Variants in PCDH11X observed in about 807,000 individuals in gnomAD.
PCDH11X encodes protocadherin 11 X-linked.
PCDH11X carries 18 observed loss-of-function variants against 53.3 expected under a neutral mutation model. The ratio of observed to expected loss-of-function variants is 0.34; its 90% confidence interval spans 0.23 to 0.50. The LOEUF is 0.50. Among genes scored for constraint, PCDH11X ranks in the 20% least tolerant of loss-of-function variants. The probability of loss-of-function intolerance (pLI) is 0.98; values close to 1 mark genes in which losing one functional copy is unlikely to be tolerated. For missense variants in PCDH11X, 570 were observed against 1,032.4 expected, an observed-to-expected ratio of 0.55 and a Z score of 6.14; for synonymous variants, 279 against 393.3, an observed-to-expected ratio of 0.71 and a Z score of 3.44.
intron 10 of PCDH11X, among the ~76,000 whole-genome samples, chrX:92,503,618 C>T (rs1603350189): frequency 9.7e-6 from 1 of 102,973 alleles, no homozygotes; most frequent in Non-Finnish European, 2.0e-5. Flanking sequence ...AGCAAACTAA[C>T]GCAGGAGTAG....
At chrX:92,111,628 G>C (rs1448291138) in intron 6 of PCDH11X, among the ~76,000 whole-genome samples, 2 of 111,018 alleles carry the variant, frequency 1.8e-5, no homozygotes, top group Non-Finnish European at 3.8e-5. Context: ...AGAAGATATA[G>C]TCCAATGTCA....
At chrX:92,500,480 C>G (rs1293905829) in intron 10 of PCDH11X, among the ~76,000 whole-genome samples, 1 of 110,388 alleles carries the variant, frequency 9.1e-6, no homozygotes, top group Non-Finnish European at 1.9e-5. Flanking sequence ...AAAGGAAATC[C>G]TGTAAGTGTG....
chrX:91,892,637 G>A (rs1427466600), intron 6 of PCDH11X, among the ~76,000 whole-genome samples: 1 of 109,587 alleles, frequency 9.1e-6, no homozygotes, highest in African/African-American at 3.3e-5. Flanking sequence ...CCGCTGCAAG[G>A]ACAAAAACAA....
rs574780453 is a variant in PCDH11X at position 91,853,375 on chromosome X, T to G, written c.540+17331T>G. On this transcript the variant is annotated intron_variant, in intron 5 of 10. Coordinates refer to ENST00000682573, the MANE Select transcript of PCDH11X (RefSeq NM_032968.5). ...TAATGAACCCACTTCATAAATAGAA[T>G]ATTTATGTTAATCAAATATGAATGT... Among the ~76,000 whole-genome samples the G allele has an allele frequency of 1.1e-3, 125 of 109,230 alleles. 3 individuals are homozygous for G. The South Asian group carries it at 0.049, about 43-fold the overall frequency. 94.9% of individuals were successfully genotyped at this position (109,230 alleles called of 115,157 possible). A position where few individuals can be genotyped will look rare whatever the true frequency, so the allele number is the denominator to read the frequency against.
chrX:92,258,526 C>T (rs779106561), intron 7 of PCDH11X, among the ~76,000 whole-genome samples: 1 of 109,997 alleles, frequency 9.1e-6, no homozygotes, highest in East Asian at 2.9e-4. Context: ...CGCCACCATG[C>T]CCAGAGAATG....
At chrX:92,491,522 C>CAG (rs1171920376) in intron 10 of PCDH11X, among the ~76,000 whole-genome samples, 1 of 110,626 alleles carries the variant, frequency 9.0e-6, no homozygotes, top group African/African-American at 3.3e-5. Flanking sequence ...AAGATCACTA[C>CAG]AGTCAGACAA....
At chrX:92,465,594 T>C (rs1190196918) in intron 9 of PCDH11X, among the ~76,000 whole-genome samples, 1 of 111,995 alleles carries the variant, frequency 8.9e-6, no homozygotes, top group Non-Finnish European at 1.9e-5. Flanking sequence ...TATTGACCTA[T>C]AAGCTCTTCA....
At chrX:92,489,565 C>T (rs1332613133) in intron 10 of PCDH11X, among the ~76,000 whole-genome samples, 1 of 109,180 alleles carries the variant, frequency 9.2e-6, no homozygotes, top group East Asian at 2.9e-4. Flanking sequence ...TGTATCCCGA[C>T]TCCTGCTTTT....
At chrX:92,483,637 G>A (rs1313733057) in intron 10 of PCDH11X, among the ~76,000 whole-genome samples, 1 of 86,350 alleles carries the variant, frequency 1.2e-5, no homozygotes, top group Non-Finnish European at 2.2e-5. Flanking sequence ...AGAAACTGGA[G>A]AGCCAATAAT....
intron 7 of PCDH11X, among the ~76,000 whole-genome samples, chrX:92,257,576 T>C (rs1197658508): frequency 1.8e-5 from 2 of 112,157 alleles, no homozygotes; most frequent in African/African-American, 6.5e-5. Context: ...TTACAGACAT[T>C]GGGTAAATAC....
chrX:92,005,795 T>C (rs1053274455), intron 6 of PCDH11X, among the ~76,000 whole-genome samples: 4 of 112,270 alleles, frequency 3.6e-5, no homozygotes, highest in Non-Finnish European at 7.5e-5. Flanking sequence ...GGTCTGATAT[T>C]GCTGAAATGC....
At chrX:92,220,620 C>T (rs2066848021) in intron 7 of PCDH11X, among the ~76,000 whole-genome samples, 1 of 110,678 alleles carries the variant, frequency 9.0e-6, no homozygotes, top group African/African-American at 3.3e-5. Context: ...ACTAGTTCAA[C>T]CATTGTGGAA....
Position 92,514,091 on chromosome X carries a change from C to T in PCDH11X, c.3367+45769C>T, listed in dbSNP as rs762389438. 4.5e-5 allele frequency among the ~76,000 whole-genome samples: 5 copies of T among 112,172 alleles called. No individual in the cohort carries two copies. In the East Asian group the frequency reaches 1.1e-3, roughly 25 times the overall value. ...CTAATATCCCATTGTATGGACATGA[C>T]ATATTTTGTTTATCCGCTCATCAGT... is the stretch of plus-strand genomic sequence containing the variant. On this transcript the variant is annotated intron_variant, in intron 10 of 10. Coordinates refer to ENST00000682573, the MANE Select transcript of PCDH11X (RefSeq NM_032968.5).
At chrX:91,881,275 G>A (rs1380711839) in intron 6 of PCDH11X, among the ~76,000 whole-genome samples, 1 of 110,357 alleles carries the variant, frequency 9.1e-6, no homozygotes, top group Non-Finnish European at 1.9e-5. Context: ...TTTCCATGAC[G>A]CATTTTATAT....
intron 4 of PCDH11X, among the ~76,000 whole-genome samples, chrX:91,822,133 C>T (rs908347169): frequency 1.2e-4 from 13 of 109,998 alleles, no homozygotes; most frequent in Non-Finnish European, 2.1e-4. Context: ...GTCTAAAATT[C>T]TCTTTTTTGG....
intron 6 of PCDH11X, among the ~76,000 whole-genome samples, chrX:92,137,105 C>T (rs1025960815): frequency 9.2e-6 from 1 of 108,827 alleles, no homozygotes; most frequent in African/African-American, 3.4e-5. Flanking sequence ...GGGATCCTTC[C>T]ACCTTAGCCT....
At chrX:92,587,286 C>T (rs763068162) in intron 10 of PCDH11X, among the ~76,000 whole-genome samples, 13 of 110,940 alleles carry the variant, frequency 1.2e-4, no homozygotes, top group South Asian at 3.8e-4. Context: ...AATTCTGCTT[C>T]GGCATGACAT....
chrX:92,143,298 C>T (rs773295726), intron 6 of PCDH11X, among the ~76,000 whole-genome samples: 1 of 111,824 alleles, frequency 8.9e-6, no homozygotes, highest in Non-Finnish European at 1.9e-5. Flanking sequence ...TCCTGAAGAC[C>T]ACGGGGAAAA....
At chrX:92,266,835 C>G (rs1178628061) in intron 8 of PCDH11X, among the ~76,000 whole-genome samples, 1 of 109,612 alleles carries the variant, frequency 9.1e-6, no homozygotes, top group East Asian at 2.9e-4. Flanking sequence ...ACCTCTACCT[C>G]CCAGGTTCAA....
Sources: gnomAD v4.1 joint callset for allele counts (sites outside exome capture counted in the v4.1 genomes callset) on GRCh38, gnomAD v4.1.1 for gene constraint, MANE v1.5 for transcripts, NCBI Gene and HGNC (gene_info 2026-07-23, HGNC 2026-07-21) for gene names.